ERC1: variants seen among roughly 807,000 people sequenced by gnomAD.
ERC1 encodes the protein RAB6 interacting protein 2.
A neutral mutation model predicts 132.0 loss-of-function variants in ERC1; 56 were observed. The observed-to-expected ratio is 0.42, with a 90% confidence interval of 0.34 to 0.53. The LOEUF (loss-of-function observed/expected upper bound fraction) is 0.53. Ranked by LOEUF, ERC1 falls within the 20% of genes least tolerant of loss-of-function variation. The pLI is 0.03. For synonymous variants in ERC1, 478 were observed against 476.1 expected (o/e 1.00, Z -0.05); for missense variants, 1,202 against 1,349.9 (o/e 0.89, Z 1.72).
intron 3 of ERC1, among the ~76,000 whole-genome samples, chr12:1,099,594 A>C (rs1944424898): frequency 6.6e-6 from 1 of 152,204 alleles, no homozygotes; most frequent in African/African-American, 2.4e-5. Context: ...TTACTTAAAA[A>C]GTATTTTCAT....
At chr12:1,159,592 A>G (rs113208113) in intron 8 of ERC1, among the ~76,000 whole-genome samples, 337 of 152,288 alleles carry the variant, frequency 2.2e-3, no homozygotes, top group Non-Finnish European at 3.8e-3. Context: ...TTTCTGCATG[A>G]TATTTAGATA....
chr12:1,106,880 G>C (rs1945323234), intron 4 of ERC1, among the ~76,000 whole-genome samples: 1 of 152,224 alleles, frequency 6.6e-6, no homozygotes, highest in Admixed American at 6.5e-5. Context: ...TGCTAAGAAG[G>C]AGAAAGATTC....
chr12:1,033,039 A>ATTT (rs112737527), intron 2 of ERC1, among the ~76,000 whole-genome samples: 2 of 141,848 alleles, frequency 1.4e-5, no homozygotes, highest in Admixed American at 7.1e-5. Context: ...TGCCTGGCTA[A>ATTT]TTTTTTTTTT....
chr12:1,104,974 A>G (rs1945090215), intron 4 of ERC1, 150 bp downstream of exon 4: 1 of 573,460 alleles, frequency 1.7e-6, no homozygotes, highest in Admixed American at 3.0e-5. Context: ...TGACATCTTA[A>G]AAGAATTTCA....
chr12:1,185,392 T>C (rs1051590857), intron 11 of ERC1, among the ~76,000 whole-genome samples: 10 of 151,954 alleles, frequency 6.6e-5, no homozygotes, highest in African/African-American at 2.2e-4. Flanking sequence ...TAGAGTGAAA[T>C]ATTTATTTCT....
chr12:1,206,516 T>C (rs1056719135), intron 12 of ERC1, among the ~76,000 whole-genome samples: 1 of 152,086 alleles, frequency 6.6e-6, no homozygotes, highest in African/African-American at 2.4e-5. Context: ...CTGTCTTCCT[T>C]TGCATTCAGT....
chr12:1,425,274 T>TGG (rs2092600176), intron 17 of ERC1, among the ~76,000 whole-genome samples: 1 of 152,230 alleles, frequency 6.6e-6, no homozygotes, highest in Admixed American at 6.5e-5. Flanking sequence ...AGAGCACTTT[T>TGG]TAGTGTGATG....
At chr12:1,315,870 G>A (rs1181466634) in intron 15 of ERC1, among the ~76,000 whole-genome samples, 1 of 151,942 alleles carries the variant, frequency 6.6e-6, no homozygotes, top group African/African-American at 2.4e-5. Flanking sequence ...TTCTAGAAAC[G>A]TGAATTTACA....
chr12:1,187,273 TAACTC>T (rs986423513), intron 11 of ERC1, among the ~76,000 whole-genome samples: 20 of 152,326 alleles, frequency 1.3e-4, no homozygotes, highest in African/African-American at 4.6e-4. Context: ...AAGTACAAAT[TAACTC>T]AGCAAGAATT....
At chr12:1,456,093 A>G (rs1317079318) in intron 18 of ERC1, among the ~76,000 whole-genome samples, 2 of 152,170 alleles carry the variant, frequency 1.3e-5, no homozygotes, top group Non-Finnish European at 2.9e-5. Context: ...GTGTAACACA[A>G]TTTCCCTGCA....
rs73606389 is a variant in ERC1 at position 1,027,817 on chromosome 12, T to C, written c.-87T>C. On this transcript the variant is annotated 5_prime_UTR_variant, in exon 2 of 19. Coordinates refer to ENST00000360905, the MANE Select transcript of ERC1 (RefSeq NM_178040.4). ...TCTTCTGATTAACCTTAAACCAACT[T>C]GTAGCCATAGAGACACCTCACAAGG... 3,578 of 1,222,452 alleles carry C rather than the reference T, an allele frequency of 2.9e-3. 83 individuals are homozygous for C. In the African/African-American group the frequency reaches 0.049, roughly 17 times the overall value. 75.7% of individuals were successfully genotyped at this position (1,222,452 alleles called of 1,614,324 possible).
chr12:1,299,660 TAGA>T (rs2080239059), intron 15 of ERC1, among the ~76,000 whole-genome samples: 1 of 151,912 alleles, frequency 6.6e-6, no homozygotes, highest in Non-Finnish European at 1.5e-5. Flanking sequence ...ATCAAACACA[TAGA>T]AGACAGAGAA....
chr12:1,102,786 G>A (rs1286489425), intron 3 of ERC1, among the ~76,000 whole-genome samples: 1 of 152,152 alleles, frequency 6.6e-6, no homozygotes, highest in African/African-American at 2.4e-5. Flanking sequence ...ACAGGAAAAA[G>A]TAGAGCGAAG....
At chr12:1,181,478 G>T (rs930942283) in intron 9 of ERC1, among the ~76,000 whole-genome samples, 2 of 152,140 alleles carry the variant, frequency 1.3e-5, no homozygotes, top group African/African-American at 4.8e-5. Context: ...GTTATGGCAA[G>T]ATGAATAAGA....
chr12:1,053,836 C>A (rs1216140985), intron 2 of ERC1, among the ~76,000 whole-genome samples: 1 of 152,144 alleles, frequency 6.6e-6, no homozygotes, highest in African/African-American at 2.4e-5. Flanking sequence ...AAAGCAAATA[C>A]TTTGCAAATT....
At chr12:1,226,451 T>C (rs1476936041) in intron 12 of ERC1, among the ~76,000 whole-genome samples, 1 of 152,214 alleles carries the variant, frequency 6.6e-6, no homozygotes, top group Non-Finnish European at 1.5e-5. Flanking sequence ...AGATCTGCTC[T>C]TAGCAAATTT....
At chr12:1,420,289 A>G (rs1181591994) in intron 17 of ERC1, among the ~76,000 whole-genome samples, 1 of 152,210 alleles carries the variant, frequency 6.6e-6, no homozygotes. Flanking sequence ...TTTTCATTCA[A>G]TAGAGATACA....
intron 18 of ERC1, among the ~76,000 whole-genome samples, chr12:1,456,480 A>G (rs959086156): frequency 2.0e-5 from 3 of 152,158 alleles, no homozygotes; most frequent in Non-Finnish European, 4.4e-5. Flanking sequence ...AAGTTCCAGC[A>G]GCTGAGTAAA....
chr12:1,396,963 G>A (rs2090596111), intron 16 of ERC1, among the ~76,000 whole-genome samples: 1 of 152,160 alleles, frequency 6.6e-6, no homozygotes, highest in Non-Finnish European at 1.5e-5. Flanking sequence ...GGAGCCCAGA[G>A]TCAGCTCTAA....
Sources: gnomAD v4.1 joint callset for allele counts (sites outside exome capture counted in the v4.1 genomes callset) on GRCh38, gnomAD v4.1.1 for gene constraint, MANE v1.5 for transcripts, NCBI Gene and HGNC (gene_info 2026-07-23, HGNC 2026-07-21) for gene names.